The following MBNL2 variants were observed in gnomAD, a reference collection of about 807,000 sequenced individuals.
MBNL2 encodes the protein muscleblind-like protein 2.
Under a neutral mutation model 41.9 loss-of-function variants are expected in MBNL2, and 17 were observed. The observed-to-expected ratio is 0.41, with a 90% CI of 0.28 to 0.61. The LOEUF (loss-of-function observed/expected upper bound fraction) is 0.61. MBNL2 is among the 20% of genes least tolerant of loss of function. MBNL2 has a pLI of 0.35. For synonymous variants in MBNL2, 195 were observed against 182.9 expected, an observed-to-expected ratio of 1.07 and a Z score of -0.53; for missense variants, 336 against 505.6, an observed-to-expected ratio of 0.66 and a Z score of 3.22.
At chr13:97,293,516 A>G (rs1217570174) in intron 2 of MBNL2, among the ~76,000 whole-genome samples, 3 of 152,226 alleles carry the variant, frequency 2.0e-5, no homozygotes, top group Non-Finnish European at 4.4e-5. Flanking sequence ...GTACAAGGTT[A>G]TATCAGCGTG....
At chr13:97,285,665 TAAAC>T (rs1414391858) in intron 2 of MBNL2, among the ~76,000 whole-genome samples, 1 of 152,174 alleles carries the variant, frequency 6.6e-6, no homozygotes, top group Non-Finnish European at 1.5e-5. Flanking sequence ...ACCTCTGAAA[TAAAC>T]AAATACATAT....
At chr13:97,284,818 T>G (rs2152953683) in intron 2 of MBNL2, among the ~76,000 whole-genome samples, 1 of 152,306 alleles carries the variant, frequency 6.6e-6, no homozygotes, top group Middle Eastern at 3.4e-3. Context: ...GGTTAAAACA[T>G]GTAAAAATAA....
At chr13:97,328,924 C>G (rs1386511901) in intron 2 of MBNL2, among the ~76,000 whole-genome samples, 1 of 152,058 alleles carries the variant, frequency 6.6e-6, no homozygotes, top group Non-Finnish European at 1.5e-5. Flanking sequence ...AAATCTCATC[C>G]TTCAATTATG....
chr13:97,242,265 C>T (rs776781092), intron 1 of MBNL2, among the ~76,000 whole-genome samples: 18 of 152,138 alleles, frequency 1.2e-4, no homozygotes, highest in Non-Finnish European at 2.5e-4. Context: ...GAGGAGGGAG[C>T]GGGCACGTGG....
intron 5 of MBNL2, among the ~76,000 whole-genome samples, chr13:97,352,796 C>T (rs565566899): frequency 5.9e-5 from 9 of 152,350 alleles, no homozygotes; most frequent in African/African-American, 2.2e-4. Flanking sequence ...TACTTATTAA[C>T]ACAACATATC....
intron 2 of MBNL2, among the ~76,000 whole-genome samples, chr13:97,301,504 G>A (rs10508031): frequency 0.071 from 10,830 of 152,214 alleles, 568 homozygotes; most frequent in African/African-American, 0.15. Flanking sequence ...AGGGAGCTAA[G>A]TGTGGTCCAT....
rs151316787 is a variant in MBNL2, at chr13:97,382,707, C to A, written c.1049-8615C>A. 1.1e-3 allele frequency among the ~76,000 whole-genome samples: 162 copies of A among 147,098 alleles called. 5 individuals are homozygous for A. The East Asian group carries it at 0.029, about 26-fold the overall frequency. On this transcript the variant is annotated intron_variant, in intron 8 of 8. Transcript: ENST00000679496. The stretch of plus-strand genomic sequence containing the variant: ...TTTTTTTTTTGAAAAGGGTGTCTCA[C>A]TCTGTCACCGAGGCTGGAGTGCAGT...
At chr13:97,310,717 C>T (rs2058521533) in intron 2 of MBNL2, among the ~76,000 whole-genome samples, 1 of 151,880 alleles carries the variant, frequency 6.6e-6, no homozygotes, top group African/African-American at 2.4e-5. Flanking sequence ...GAGTGAACCA[C>T]TGAGCCCGGC....
the MBNL2 span, among the ~76,000 whole-genome samples, chr13:97,208,406 C>G: frequency 6.6e-6 from 1 of 152,176 alleles, no homozygotes; most frequent in Non-Finnish European, 1.5e-5. Flanking sequence ...ACCTCTGATT[C>G]CTTTGTAGGG....
intron 8 of MBNL2, among the ~76,000 whole-genome samples, chr13:97,384,355 C>T (rs2065755980): frequency 6.6e-6 from 1 of 152,152 alleles, no homozygotes; most frequent in African/African-American, 2.4e-5. Context: ...CTTCAGTAAT[C>T]CATACTGTGA....
At chr13:97,357,373 C>A (rs2063081602) in intron 6 of MBNL2, 109 bp from the exon 7 acceptor site, 1 of 894,788 alleles carries the variant, frequency 1.1e-6, no homozygotes, top group African/African-American at 1.6e-5. Context: ...GCAGAGGCAT[C>A]TCCTTAGCTG....
chr13:97,243,912 G>A (rs2044866256), intron 1 of MBNL2, among the ~76,000 whole-genome samples: 1 of 152,138 alleles, frequency 6.6e-6, no homozygotes, highest in Admixed American at 6.5e-5. Flanking sequence ...GAGAAAAAAG[G>A]TAGAGGGAAA....
At chr13:97,343,326 C>A in intron 4 of MBNL2, 110 bp downstream of exon 4, 1 of 730,150 alleles carries the variant, frequency 1.4e-6, no homozygotes, top group Non-Finnish European at 2.2e-6. Flanking sequence ...GCCATGTAAA[C>A]ACACACACAC....
At chr13:97,294,641 C>G (rs1280131576) in intron 2 of MBNL2, among the ~76,000 whole-genome samples, 1 of 152,150 alleles carries the variant, frequency 6.6e-6, no homozygotes, top group Non-Finnish European at 1.5e-5. Flanking sequence ...TAGAAGCTCT[C>G]CAATGCTGTA....
At chr13:97,272,687 T>A (rs989510866) in intron 1 of MBNL2, among the ~76,000 whole-genome samples, 3 of 152,206 alleles carry the variant, frequency 2.0e-5, no homozygotes, top group African/African-American at 7.2e-5. Context: ...TAGGGTGTGA[T>A]CTCACTTAGA....
chr13:97,341,791 A>G (rs1230426342), intron 3 of MBNL2, among the ~76,000 whole-genome samples: 1 of 152,204 alleles, frequency 6.6e-6, no homozygotes, highest in Non-Finnish European at 1.5e-5. Flanking sequence ...TTACTGCTAT[A>G]AAGAAAAAGT....
intron 2 of MBNL2, among the ~76,000 whole-genome samples, chr13:97,282,917 G>C (rs371462027): frequency 1.3e-5 from 2 of 152,244 alleles, no homozygotes; most frequent in Non-Finnish European, 2.9e-5. Flanking sequence ...GTCATCCCCA[G>C]AGAATGCAGA....
intron 8 of MBNL2, among the ~76,000 whole-genome samples, chr13:97,369,607 A>G (rs968946009): frequency 5.3e-5 from 8 of 152,188 alleles, no homozygotes; most frequent in Non-Finnish European, 1.0e-4. Context: ...GGCATTTGTA[A>G]TTAGATACAA....
intron 2 of MBNL2, among the ~76,000 whole-genome samples, chr13:97,291,781 G>A (rs1815200403): frequency 6.6e-6 from 1 of 151,588 alleles, no homozygotes; most frequent in Non-Finnish European, 1.5e-5. Flanking sequence ...TGTAATCCCA[G>A]CTACTCAGGA....
Sources: gnomAD v4.1 joint callset for allele counts (sites outside exome capture counted in the v4.1 genomes callset) on GRCh38, gnomAD v4.1.1 for gene constraint, MANE v1.5 for transcripts, NCBI Gene and HGNC (gene_info 2026-07-23, HGNC 2026-07-21) for gene names.